CCDC180: variants seen among roughly 807,000 people sequenced by gnomAD.
CCDC180 encodes coiled-coil domain containing 180, also known as coiled-coil domain-containing protein 180.
CCDC180 carries 154 observed loss-of-function variants against 209.2 expected under a neutral mutation model. The ratio of observed to expected loss-of-function variants is 0.74; its 90% CI spans 0.65 to 0.84. The LOEUF (loss-of-function observed/expected upper bound fraction) is 0.84. CCDC180 is among the 40% of genes least tolerant of loss of function. The probability of loss-of-function intolerance (pLI) is 0.00; values close to 1 mark genes in which losing one functional copy is unlikely to be tolerated. For synonymous variants in CCDC180, 778 were observed against 749.1 expected (o/e 1.04, Z -0.63); for missense variants, 1,874 against 1,997.3 (o/e 0.94, Z 1.18).
At chr9:97,334,880 C>T (rs1825854777) in intron 18 of CCDC180, among the ~76,000 whole-genome samples, 1 of 152,096 alleles carries the variant, frequency 6.6e-6, no homozygotes, top group African/African-American at 2.4e-5. Context: ...GTTGTCTTAG[C>T]AGCTTACTTT....
intron 18 of CCDC180, among the ~76,000 whole-genome samples, chr9:97,333,731 G>C (rs1339106830): frequency 6.6e-6 from 1 of 151,630 alleles, no homozygotes; most frequent in Non-Finnish European, 1.5e-5. Context: ...TTTCTGCGGG[G>C]TCAGTGATAA....
chr9:97,321,514 C>T (rs1019962962), intron 11 of CCDC180, among the ~76,000 whole-genome samples: 8 of 152,184 alleles, frequency 5.3e-5, no homozygotes, highest in Non-Finnish European at 1.2e-4. Context: ...CTAGTAGTAC[C>T]TGCCATTGCT....
intron 34 of CCDC180, 140 bp from the exon 35 acceptor site, chr9:97,374,403 T>C (rs1226650595): frequency 1.6e-6 from 1 of 638,894 alleles, no homozygotes; most frequent in Non-Finnish European, 2.7e-6. Context: ...AGCTTCTCCA[T>C]GGAGAGGGCT....
At position 97,328,147 on chromosome 9, in the gene CCDC180, G is replaced by T; in HGVS notation, c.1788+1G>T. The T allele has an allele frequency of 6.2e-7, 1 of 1,613,264 alleles. No homozygotes were observed. Reference sequence around the variant, plus strand: ...CTTTGTGCGTGAAATCTTTGAACAGGTATGGAGAGGGTGATGATACACCCA... The same window carrying T: ...CTTTGTGCGTGAAATCTTTGAACAGTTATGGAGAGGGTGATGATACACCCA... On this transcript the variant is annotated splice_donor_variant, in intron 16 of 36. Transcript: ENST00000529487. LOFTEE classifies it high-confidence loss of function.
At chr9:97,332,770 G>T (rs529771470) in intron 18 of CCDC180, among the ~76,000 whole-genome samples, 24 of 152,262 alleles carry the variant, frequency 1.6e-4, no homozygotes, top group Admixed American at 1.3e-3. Flanking sequence ...AAGGGGCTCT[G>T]GGGAAGAGAC....
At chr9:97,355,215 C>T (rs1416520584) in intron 24 of CCDC180, among the ~76,000 whole-genome samples, 1 of 151,978 alleles carries the variant, frequency 6.6e-6, no homozygotes, top group African/African-American at 2.4e-5. Flanking sequence ...AGTGCAGTGG[C>T]GTGAACACAG....
rs7873622 is a variant in CCDC180, at chr9:97,362,552, C to T, written c.3902+111C>T. 372 of 1,473,700 alleles carry T rather than the reference C, an allele frequency of 2.5e-4. 1 individual carries two copies. The African/African-American group carries it at 3.9e-3, about 15-fold the overall frequency. 91.3% of individuals were successfully genotyped at this position (1,473,700 alleles called of 1,614,324 possible). A position where few individuals can be genotyped will look rare whatever the true frequency, so the allele number is the denominator to read the frequency against. ...TTTCCTCAGAAGGCACCACAATGCT[C>T]ATGGCTCTGGGACTCCACGGGGCGC... On this transcript the variant is annotated intron_variant, in intron 28 of 36. Transcript: ENST00000529487.
chr9:97,356,232 A>G (rs181665805), intron 24 of CCDC180, among the ~76,000 whole-genome samples: 1 of 152,260 alleles, frequency 6.6e-6, no homozygotes, highest in East Asian at 1.9e-4. Flanking sequence ...TTCAGGGAAC[A>G]ATGTTTGAGG....
In CCDC180 at chr9:97,330,365, G is replaced by A. The variant is rs1406121512; in HGVS notation, c.1872G>A (p.Arg624=). 2 of 1,614,062 alleles carry A rather than the reference G, an allele frequency of 1.2e-6. No individual in the cohort carries two copies. Among genetic ancestry groups the A allele is most frequent in the South Asian group, 2.2e-5 (2 of 91,076 alleles). ...CCCAGAAGAGAGTGAAAAAACTGAG[G>A]AAGAAGCAAGGGTCTAAAGAGGACA... is the stretch of plus-strand genomic sequence containing the variant. ...KPSQKRVKKL[R]KKQGSKEDMT... Residue 624 remains arginine, a synonymous_variant, in exon 18 of 37, where the codon AGG becomes AGA. Transcript: ENST00000529487.
intron 8 of CCDC180, 86 bp from the exon 9 acceptor site, chr9:97,316,979 C>A: frequency 7.5e-7 from 1 of 1,340,976 alleles, no homozygotes. Flanking sequence ...CCTCTCCAGC[C>A]TCCCACTGCT....
At chr9:97,318,091 A>T (rs527643742) in intron 9 of CCDC180, among the ~76,000 whole-genome samples, 1 of 152,148 alleles carries the variant, frequency 6.6e-6, no homozygotes, top group South Asian at 2.1e-4. Context: ...GTTCCATTTT[A>T]CAGAAGAAGA....
chr9:97,322,862 A>G lies in CCDC180; in HGVS notation c.1189A>G (p.Ile397Val). The G allele has an allele frequency of 6.2e-7, 1 of 1,614,060 alleles. No individual in the cohort carries two copies. Among genetic ancestry groups the G allele is most frequent in the East Asian group, 2.2e-5 (1 of 44,876 alleles). Residue 397 changes from isoleucine to valine, a missense_variant, in exon 12 of 37, where the codon ATC (isoleucine) becomes GTC (valine). Physicochemically the swap from Ile to Val is conservative, Grantham distance 29. Transcript: ENST00000529487. ...DTYHVDCMMR[I>V]RLLYEKTWQE... is the part of the protein sequence containing the mutation. ...CTACCACGTGGACTGCATGATGCGGATCCGCCTGCTGTATGAGAAGACATG... is the reference window on the plus strand; with the variant it reads ...CTACCACGTGGACTGCATGATGCGGGTCCGCCTGCTGTATGAGAAGACATG...
intron 13 of CCDC180, among the ~76,000 whole-genome samples, chr9:97,324,250 G>A (rs1833453697): frequency 6.6e-6 from 1 of 152,114 alleles, no homozygotes; most frequent in South Asian, 2.1e-4. Context: ...TTCTGTGAAG[G>A]GCCAGATGGT....
At chr9:97,309,678 C>G in intron 3 of CCDC180, 74 bp downstream of exon 3, 1 of 1,256,674 alleles carries the variant, frequency 8.0e-7, no homozygotes, top group Non-Finnish European at 1.1e-6. Context: ...AAAGAGCCAG[C>G]ACAAGATGAG....
At chr9:97,337,603 G>A (rs1163684964) in intron 18 of CCDC180, among the ~76,000 whole-genome samples, 7 of 152,134 alleles carry the variant, frequency 4.6e-5, no homozygotes, top group East Asian at 1.9e-4. Context: ...ATGTTCATCA[G>A]GGATATTGGT....
intron 24 of CCDC180, among the ~76,000 whole-genome samples, chr9:97,356,436 C>G (rs1348809073): frequency 2.6e-5 from 4 of 152,182 alleles, no homozygotes; most frequent in Admixed American, 6.5e-5. Flanking sequence ...AAAAGCAATT[C>G]CTAATATTAT....
chr9:97,362,785 A>G (rs1460446577), intron 28 of CCDC180, among the ~76,000 whole-genome samples: 1 of 152,188 alleles, frequency 6.6e-6, no homozygotes, highest in East Asian at 1.9e-4. Flanking sequence ...AGTTTACCCC[A>G]CATGCATATT....
intron 31 of CCDC180, among the ~76,000 whole-genome samples, chr9:97,367,044 C>T (rs1451719012): frequency 2.0e-5 from 3 of 152,134 alleles, no homozygotes; most frequent in African/African-American, 7.2e-5. Context: ...AGTTTATTTA[C>T]AGAGTTATGC....
At chr9:97,359,281 C>T (rs950177046) in intron 25 of CCDC180, among the ~76,000 whole-genome samples, 1 of 152,232 alleles carries the variant, frequency 6.6e-6, no homozygotes, top group African/African-American at 2.4e-5. Flanking sequence ...CCTCGCCTCC[C>T]AACCCCTGCT....
Sources: gnomAD v4.1 joint callset for allele counts (sites outside exome capture counted in the v4.1 genomes callset) on GRCh38, gnomAD v4.1.1 for gene constraint, MANE v1.5 for transcripts, NCBI Gene and HGNC (gene_info 2026-07-23, HGNC 2026-07-21) for gene names.